APP: variants seen among roughly 807,000 people sequenced by gnomAD.
APP encodes the protein amyloid beta precursor protein.
A neutral mutation model predicts 101.4 loss-of-function variants in APP; 31 were observed. That is an observed-to-expected ratio of 0.31 (90% CI 0.23 to 0.41). The LOEUF (loss-of-function observed/expected upper bound fraction) is 0.41. Ranked by LOEUF, APP falls within the 10% of genes least tolerant of loss-of-function variation. APP has a pLI of 1.00. For missense variants in APP, 839 were observed against 1,003.7 expected (o/e 0.84, Z 2.22); for synonymous variants, 366 against 364.4 (o/e 1.00, Z -0.05).
chr21:26,153,972 C>G (rs891797330), intron 1 of APP, among the ~76,000 whole-genome samples: 1 of 152,126 alleles, frequency 6.6e-6, no homozygotes, highest in Admixed American at 6.6e-5. Context: ...CGTTGTAAAG[C>G]AAATATTTCA....
intron 1 of APP, among the ~76,000 whole-genome samples, chr21:26,131,402 C>T (rs1246173768): frequency 1.3e-5 from 2 of 152,110 alleles, no homozygotes; most frequent in African/African-American, 4.8e-5. Context: ...ATTCTATAAA[C>T]GTTTTTCCTT....
intron 1 of APP, among the ~76,000 whole-genome samples, chr21:26,162,079 C>G (rs985788217): frequency 6.6e-6 from 1 of 152,182 alleles, no homozygotes; most frequent in Non-Finnish European, 1.5e-5. Context: ...TGTAATCTAG[C>G]ACTTTGGAAG....
chr21:25,893,333 T>G (rs1195653607), intron 16 of APP, among the ~76,000 whole-genome samples: 1 of 152,144 alleles, frequency 6.6e-6, no homozygotes, highest in African/African-American at 2.4e-5. Flanking sequence ...AGTATTCAAG[T>G]GAAAGGAAGA....
At chr21:26,088,191 AT>A (rs1354604391) in intron 3 of APP, among the ~76,000 whole-genome samples, 1 of 152,168 alleles carries the variant, frequency 6.6e-6, no homozygotes, top group Non-Finnish European at 1.5e-5. Context: ...AAAGGAAGTG[AT>A]CAACAGATAG....
chr21:26,136,554 T>C (rs1206279499), intron 1 of APP, among the ~76,000 whole-genome samples: 2 of 152,190 alleles, frequency 1.3e-5, no homozygotes, highest in Non-Finnish European at 2.9e-5. Context: ...TTGGTAACCA[T>C]GCCCATTTGA....
intron 17 of APP, among the ~76,000 whole-genome samples, chr21:25,890,799 C>G (rs1015380694): frequency 6.6e-6 from 1 of 151,292 alleles, no homozygotes; most frequent in Non-Finnish European, 1.5e-5. Context: ...AATTTGAACC[C>G]TTCTGTCTCG....
chr21:26,125,760 T>G (rs1182239678), intron 1 of APP, among the ~76,000 whole-genome samples: 1 of 152,208 alleles, frequency 6.6e-6, no homozygotes, highest in African/African-American at 2.4e-5. Flanking sequence ...CCACATCACA[T>G]CAGGAGTTCT....
At chr21:26,115,844 TAAAAG>T (rs1199743957) in intron 1 of APP, among the ~76,000 whole-genome samples, 1 of 152,218 alleles carries the variant, frequency 6.6e-6, no homozygotes, top group Non-Finnish European at 1.5e-5. Context: ...TTTTATTTTC[TAAAAG>T]AAAAGAAATA....
At chr21:26,039,795 T>C (rs1455920388) in intron 5 of APP, among the ~76,000 whole-genome samples, 1 of 152,018 alleles carries the variant, frequency 6.6e-6, no homozygotes, top group Admixed American at 6.6e-5. Context: ...AAGCACTTAA[T>C]TTTTTTAATT....
intron 1 of APP, among the ~76,000 whole-genome samples, chr21:26,145,501 G>GT (rs1405081155): frequency 3.3e-5 from 5 of 152,168 alleles, no homozygotes; most frequent in African/African-American, 1.2e-4. Flanking sequence ...AATGCTCACT[G>GT]GCTCACCTGC....
rs914635374 is a variant in APP, at chr21:25,903,737, A to C, written c.1963+1287T>G. 2.0e-5 allele frequency among the ~76,000 whole-genome samples: 3 copies of C among 152,228 alleles called. No homozygotes were observed. The East Asian group carries it at 5.8e-4, about 29-fold the overall frequency. On this transcript the variant is annotated intron_variant, in intron 15 of 17. Coordinates refer to ENST00000346798, the MANE Select transcript of APP (RefSeq NM_000484.4). ...GATTCCCTTACATGACATTGACAAT[A>C]AGGAGGACATTAGAAGAACTGAAAC...
chr21:25,934,590 C>G (rs2040285629), intron 13 of APP: 1 of 152,210 alleles, frequency 6.6e-6, no homozygotes, highest in African/African-American at 2.4e-5. Flanking sequence ...CGCCCGCAAC[C>G]ATCCCCGACT....
At chr21:26,161,735 G>A (rs2063494724) in intron 1 of APP, among the ~76,000 whole-genome samples, 1 of 152,110 alleles carries the variant, frequency 6.6e-6, no homozygotes, top group South Asian at 2.1e-4. Flanking sequence ...TTACTGTAAT[G>A]ACAAAATTAT....
At chr21:25,989,314 T>C (rs901235484) in intron 8 of APP, among the ~76,000 whole-genome samples, 1 of 152,228 alleles carries the variant, frequency 6.6e-6, no homozygotes, top group African/African-American at 2.4e-5. Flanking sequence ...TTTGTAATCA[T>C]TGCGGAGCAC....
intron 1 of APP, among the ~76,000 whole-genome samples, chr21:26,126,687 G>A (rs569104826): frequency 9.9e-5 from 15 of 152,088 alleles, no homozygotes; most frequent in East Asian, 7.7e-4. Context: ...ACAATGTACA[G>A]GCAGCCTCCG....
At chr21:26,132,300 T>C (rs1483480890) in intron 1 of APP, among the ~76,000 whole-genome samples, 2 of 152,168 alleles carry the variant, frequency 1.3e-5, no homozygotes, top group African/African-American at 2.4e-5. Flanking sequence ...GGGGGAAAGA[T>C]TAAATTGGTA....
chr21:25,906,400 C>A (rs1171191554), intron 14 of APP, among the ~76,000 whole-genome samples: 2 of 152,200 alleles, frequency 1.3e-5, no homozygotes, highest in South Asian at 4.1e-4. Flanking sequence ...GGCTGTTTCT[C>A]CATATGGAAA....
At chr21:26,120,651 T>G (rs1349811471) in intron 1 of APP, among the ~76,000 whole-genome samples, 1 of 152,178 alleles carries the variant, frequency 6.6e-6, no homozygotes, top group African/African-American at 2.4e-5. Context: ...TTTGTGAGCT[T>G]CTTTTCTCCT....
chr21:25,907,862 A>G (rs745908829), intron 14 of APP, among the ~76,000 whole-genome samples: 2 of 152,266 alleles, frequency 1.3e-5, no homozygotes, highest in African/African-American at 2.4e-5. Context: ...CTAAATTTCA[A>G]CATTTAAATT....
Sources: allele counts gnomAD v4.1 joint callset (sites outside exome capture counted in the v4.1 genomes callset), GRCh38; gene constraint gnomAD v4.1.1; transcripts MANE v1.5; gene names NCBI Gene and HGNC (gene_info 2026-07-23, HGNC 2026-07-21).